UBE2L3: variants seen among roughly 807,000 people sequenced by gnomAD.
UBE2L3 encodes the protein ubiquitin-conjugating enzyme E2 L3.
A neutral mutation model predicts 17.8 loss-of-function variants in UBE2L3; 1 was observed. That is an observed-to-expected ratio of 0.06 (90% CI 0.02 to 0.27). The LOEUF (loss-of-function observed/expected upper bound fraction) is 0.27. UBE2L3 is among the 10% of genes least tolerant of loss of function. The probability of loss-of-function intolerance (pLI) is 1.00; values close to 1 mark genes in which losing one functional copy is unlikely to be tolerated. For missense variants in UBE2L3, 40 were observed against 192.6 expected, an observed-to-expected ratio of 0.21 and a Z score of 4.69; for synonymous variants, 44 against 68.5, an observed-to-expected ratio of 0.64 and a Z score of 1.76.
intron 1 of UBE2L3, among the ~76,000 whole-genome samples, chr22:21,579,097 TCTC>T: frequency 6.6e-6 from 1 of 152,064 alleles, no homozygotes. Context: ...TTCACGCAAT[TCTC>T]CTGCCTCAGC....
chr22:21,580,097 T>C (rs776286622), intron 1 of UBE2L3, among the ~76,000 whole-genome samples: 8 of 152,212 alleles, frequency 5.3e-5, no homozygotes, highest in Non-Finnish European at 8.8e-5. Context: ...CAGAGCAAGC[T>C]AAGCCCTCCT....
At chr22:21,551,992 TACACACACACACACAC>T (rs750566572) in intron 1 of UBE2L3, among the ~76,000 whole-genome samples, 4 of 99,804 alleles carry the variant, frequency 4.0e-5, no homozygotes, top group African/African-American at 1.9e-4. Flanking sequence ...ACTGAAGAAA[TACACACACACACACAC>T]ACACACACAC....
intron 1 of UBE2L3, among the ~76,000 whole-genome samples, chr22:21,559,091 A>G (rs1926340652): frequency 1.3e-5 from 2 of 151,620 alleles, no homozygotes; most frequent in Admixed American, 1.3e-4. Flanking sequence ...CCACGCCTCT[A>G]ATCTCAGCAG....
chr22:21,562,216 A>G (rs1601384902), intron 1 of UBE2L3, among the ~76,000 whole-genome samples: 1 of 137,192 alleles, frequency 7.3e-6, no homozygotes, highest in Non-Finnish European at 1.5e-5. Flanking sequence ...TTTTTTTGAG[A>G]CGGAGTCTCG....
chr22:21,567,855 G>A, intron 1 of UBE2L3, 84 bp downstream of exon 1: 1 of 1,549,850 alleles, frequency 6.5e-7, no homozygotes, highest in Non-Finnish European at 8.7e-7. Flanking sequence ...GCTTCTCAGG[G>A]CGCTGCCGTC....
intron 1 of UBE2L3, among the ~76,000 whole-genome samples, chr22:21,580,949 A>G (rs1927591244): frequency 6.7e-6 from 1 of 149,258 alleles, no homozygotes; most frequent in South Asian, 2.1e-4. Flanking sequence ...CATGATCATA[A>G]CTCATTATAA....
intron 3 of UBE2L3, among the ~76,000 whole-genome samples, chr22:21,614,030 G>A (rs1192914968): frequency 6.6e-6 from 1 of 152,194 alleles, no homozygotes; most frequent in African/African-American, 2.4e-5. Context: ...CAGGATGGGA[G>A]ACATGATGGC....
intron 3 of UBE2L3, among the ~76,000 whole-genome samples, chr22:21,620,670 A>G (rs549225196): frequency 6.6e-6 from 1 of 152,268 alleles, no homozygotes; most frequent in East Asian, 1.9e-4. Context: ...TCAGCGTGAC[A>G]TCTGCCTGTG....
chr22:21,616,910 CTG>C (rs1929807012), intron 3 of UBE2L3, among the ~76,000 whole-genome samples: 1 of 151,732 alleles, frequency 6.6e-6, no homozygotes, highest in Non-Finnish European at 1.5e-5. Context: ...TGCAGAGAAA[CTG>C]TCATTAAGAA....
intron 2 of UBE2L3, among the ~76,000 whole-genome samples, chr22:21,609,748 G>A (rs75427944): frequency 0.013 from 1,928 of 152,050 alleles, 101 homozygotes; most frequent in South Asian, 0.13. Context: ...AGTAACGGCT[G>A]GGCACAGTGG....
chr22:21,567,495 CCTA>C, upstream of UBE2L3: 1 of 730,848 alleles, frequency 1.4e-6, no homozygotes, highest in Middle Eastern at 4.1e-4. Flanking sequence ...TTATTATGCT[CCTA>C]CTATGTGCCA....
At chr22:21,598,851 T>C (rs1347924113) in intron 2 of UBE2L3, among the ~76,000 whole-genome samples, 3 of 72,864 alleles carry the variant, frequency 4.1e-5, no homozygotes, top group African/African-American at 7.9e-5. Flanking sequence ...GTTCCATTTC[T>C]TTTTTTTTTG....
intron 1 of UBE2L3, among the ~76,000 whole-genome samples, chr22:21,580,672 G>A (rs1361660724): frequency 1.3e-5 from 2 of 151,840 alleles, no homozygotes; most frequent in African/African-American, 4.8e-5. Context: ...GGCTGGTCTC[G>A]AACTCCTGAC....
chr22:21,570,212 G>A (rs748802805), intron 1 of UBE2L3, among the ~76,000 whole-genome samples: 10 of 152,050 alleles, frequency 6.6e-5, no homozygotes, highest in Non-Finnish European at 1.0e-4. Context: ...AATTCATCCT[G>A]GTAGCCCCCT....
chr22:21,604,343 C>CA (rs1929036255), intron 2 of UBE2L3, among the ~76,000 whole-genome samples: 2 of 151,994 alleles, frequency 1.3e-5, no homozygotes. Context: ...TACTAAAATA[C>CA]AAAAAATTAG....
chr22:21,621,882 C>G lies in UBE2L3; in HGVS notation c.*213C>G. 1 of 483,416 alleles carries G rather than the reference C, an allele frequency of 2.1e-6. No homozygotes were observed. The highest frequency in any genetic ancestry group is 3.9e-5 in the East Asian group (1 of 25,900). 29.9% of individuals were successfully genotyped at this position (483,416 alleles called of 1,614,324 possible). ...AAATTTAAGATGTTCTAGTTCTGCT[C>G]TCTTTGTTTTAAAAATCACTGCTTC... On this transcript the variant is annotated 3_prime_UTR_variant, in exon 4 of 4. Transcript: ENST00000342192.
chr22:21,568,448 C>G (rs1926767971), intron 1 of UBE2L3: 1 of 984,760 alleles, frequency 1.0e-6, no homozygotes, highest in South Asian at 4.7e-5. Flanking sequence ...CTCTCCTCCA[C>G]TCAGTCATCC....
chr22:21,559,493 T>C (rs1040229633), intron 1 of UBE2L3, among the ~76,000 whole-genome samples: 14 of 152,196 alleles, frequency 9.2e-5, no homozygotes, highest in African/African-American at 3.1e-4. Context: ...GTAGTAACAT[T>C]GGCGCTTGGG....
chr22:21,574,306 C>A (rs1221813766), intron 1 of UBE2L3, among the ~76,000 whole-genome samples: 1 of 152,170 alleles, frequency 6.6e-6, no homozygotes, highest in Non-Finnish European at 1.5e-5. Flanking sequence ...AGCTGAGTGA[C>A]CCTGGGCAAG....
Sources: gnomAD v4.1 joint callset for allele counts (sites outside exome capture counted in the v4.1 genomes callset) on GRCh38, gnomAD v4.1.1 for gene constraint, MANE v1.5 for transcripts, NCBI Gene and HGNC (gene_info 2026-07-23, HGNC 2026-07-21) for gene names.